Variants in GDF15 observed in about 807,000 individuals in gnomAD.
The protein encoded by GDF15 is growth/differentiation factor 15.
GDF15 carries 10 observed loss-of-function variants against 8.9 expected under a neutral mutation model. The ratio of observed to expected loss-of-function variants is 1.12; its 90% CI spans 0.69 to 1.90. The LOEUF (loss-of-function observed/expected upper bound fraction) is 1.90, where lower values mean the gene tolerates loss of function less well. Ranked by LOEUF, GDF15 falls within the 40% of genes most tolerant of loss-of-function variation. The probability of loss-of-function intolerance (pLI) is 0.00; values close to 1 mark genes in which losing one functional copy is unlikely to be tolerated. For synonymous variants in GDF15, 228 were observed against 210.6 expected, an observed-to-expected ratio of 1.08 and a Z score of -0.72; for missense variants, 452 against 434.2, an observed-to-expected ratio of 1.04 and a Z score of -0.36.
Position 18,388,522 on chromosome 19 carries a change from G to C in GDF15, c.514G>C (p.Glu172Gln), listed in dbSNP as rs757529602. The change falls in exon 2 of 2, where the codon GAA (glutamate) becomes CAA (glutamine). Residue 172 changes from glutamate (E) to glutamine (Q), a missense_variant. Physicochemically the swap from Glu to Gln is conservative, Grantham distance 29 (BLOSUM62 2). Coordinates refer to ENST00000252809, the MANE Select transcript of GDF15 (RefSeq NM_004864.4). The surrounding 1 kb of genome is among the most constrained non-coding windows in gnomAD (Gnocchi z 4.2). ...PPSQSDQLLA[E>Q]SSSARPQLEL... ...GTCGCAGTCGGACCAACTGCTGGCA[G>C]AATCTTCGTCCGCACGGCCCCAGCT... The C allele has an allele frequency of 6.9e-6, 11 of 1,599,778 alleles. No individual in the cohort carries two copies. Among genetic ancestry groups the C allele is most frequent in the Non-Finnish European group, 9.4e-6 (11 of 1,175,726 alleles).
At position 18,386,323 on chromosome 19, in the gene GDF15, A is replaced by G; in HGVS notation, c.134A>G (p.Glu45Gly). The change falls in exon 1 of 2, where the codon GAG becomes GGG. Residue 45 changes from glutamate to glycine, a missense_variant. Coordinates refer to ENST00000252809, the MANE Select transcript of GDF15 (RefSeq NM_004864.4). ...CGCGCAAGTTTCCCGGGACCCTCAG[A>G]GTTGCACTCCGAAGACTCCAGATTC... ...ASRASFPGPS[E>G]LHSEDSRFRE... 1 of 1,614,118 alleles carries G rather than the reference A, an allele frequency of 6.2e-7. No homozygotes were observed. The highest frequency in any genetic ancestry group is 8.5e-7 in the Non-Finnish European group (1 of 1,180,042).
intron 1 of GDF15, chr19:18,387,082 A>T (rs945314421): frequency 6.5e-6 from 1 of 153,884 alleles, no homozygotes; most frequent in South Asian, 2.0e-4. Context: ...CCCTAAACCC[A>T]TCTGTGCCGT....
At position 18,388,658 on chromosome 19, in the gene GDF15, G is replaced by C. The variant is rs745582302; in HGVS notation, c.650G>C (p.Arg217Pro). 6.2e-7 allele frequency: 1 copy of C among 1,602,414 alleles called. No homozygotes were observed. Among genetic ancestry groups the C allele is most frequent in the Non-Finnish European group, 8.5e-7 (1 of 1,175,248 alleles). Residue 217 changes from arginine to proline, a missense_variant, in exon 2 of 2, where the codon CGC becomes CCC. Arg to Pro is a moderately radical substitution (Grantham distance 103). Transcript: ENST00000252809. The surrounding 1 kb of genome is among the most constrained non-coding windows in gnomAD (Gnocchi z 4.2). ...PGRCCRLHTV[R>P]ASLEDLGWAD... The stretch of plus-strand genomic sequence containing the variant: ...CGTTGCTGCCGTCTGCACACGGTCC[G>C]CGCGTCGCTGGAAGACCTGGGCTGG...
In GDF15 at chr19:18,386,165, G is replaced by A; in HGVS notation, c.-25G>A. 6.2e-7 allele frequency: 1 copy of A among 1,603,720 alleles called. No homozygotes were observed. The highest frequency in any genetic ancestry group is 8.5e-7 in the Non-Finnish European group (1 of 1,174,438). On this transcript the variant is annotated 5_prime_UTR_variant, in exon 1 of 2. Transcript: ENST00000252809. ...GTCCGGCAGCATCTGGTCAGTCCCA[G>A]CTCAGAGCCGCAACCTGCACAGCCA...
chr19:18,388,965 C>A lies in GDF15; in HGVS notation c.*30C>A, dbSNP rs1275213300. 2 of 1,519,888 alleles carry A rather than the reference C, an allele frequency of 1.3e-6. No individual in the cohort carries two copies. The highest frequency in any genetic ancestry group is 1.8e-6 in the Non-Finnish European group (2 of 1,119,056). The allele number at this position is 1,519,888 out of a possible 1,614,324, so 94.2% of individuals were successfully genotyped here. On this transcript the variant is annotated 3_prime_UTR_variant, in exon 2 of 2. Transcript: ENST00000252809. This position sits in a 1 kb window ranked among gnomAD's most constrained non-coding sequence, Gnocchi z 4.2. ...TCCTGGTCCTTCCACTGTGCACCTG[C>A]GCGGAGGACGCGACCTCAGTTGTCC...
chr19:18,388,969 G>T lies in GDF15; in HGVS notation c.*34G>T. On this transcript the variant is annotated 3_prime_UTR_variant, in exon 2 of 2. Transcript: ENST00000252809. This position sits in a 1 kb window ranked among gnomAD's most constrained non-coding sequence, Gnocchi z 4.2. The stretch of plus-strand genomic sequence containing the variant: ...GGTCCTTCCACTGTGCACCTGCGCG[G>T]AGGACGCGACCTCAGTTGTCCTGCC... The T allele has an allele frequency of 6.6e-7, 1 of 1,518,382 alleles. No individual in the cohort carries two copies. The highest frequency in any genetic ancestry group is 8.9e-7 in the Non-Finnish European group (1 of 1,117,498). The allele number at this position is 1,518,382 out of a possible 1,614,324, so 94.1% of individuals were successfully genotyped here. A position where few individuals can be genotyped will look rare whatever the true frequency, so the allele number is the denominator to read the frequency against.
chr19:18,386,279 G>A lies in GDF15; in HGVS notation c.90G>A (p.Leu30=). Reference sequence around the variant, plus strand: ...CGTGGCTGCCGCATGGGGGCGCCCTGTCTCTGGCCGAGGCGAGCCGCGCAA... The same window carrying A: ...CGTGGCTGCCGCATGGGGGCGCCCTATCTCTGGCCGAGGCGAGCCGCGCAA... ...VLSWLPHGGA[L]SLAEASRASF... Residue 30 remains leucine (L), a synonymous_variant, in exon 1 of 2, where the codon CTG becomes CTA. Transcript: ENST00000252809. 1 of 1,614,096 alleles carries A rather than the reference G, an allele frequency of 6.2e-7. No individual in the cohort carries two copies.
Position 18,386,500 on chromosome 19 carries a change from C to G in GDF15, c.277+34C>G, listed in dbSNP as rs776459489. 251 of 1,565,370 alleles carry G rather than the reference C, an allele frequency of 1.6e-4. 1 individual carries two copies. The highest frequency in any genetic ancestry group is 1.7e-4 in the Non-Finnish European group (199 of 1,141,820). On this transcript the variant is annotated intron_variant, in intron 1 of 1. Transcript: ENST00000252809. ...AATCTTAGAGATCCCCTCCCACCCC[C>G]CAAGCAGCCCCCATATCTAATCAGG...
chr19:18,387,835 T>TTTTTTTTTTTTTTTTTTTTTTG (rs1971848740), intron 1 of GDF15, among the ~76,000 whole-genome samples: 1 of 115,650 alleles, frequency 8.6e-6, no homozygotes, highest in African/African-American at 3.0e-5. Flanking sequence ...TTTTTTTTTT[T>TTTTTTTTTTTTTTTTTTTTTTG]TTTTGAGAGG....
Position 18,388,423 on chromosome 19 carries a change from C to A in GDF15, c.415C>A (p.Arg139=). Residue 139 remains arginine, a synonymous_variant, in exon 2 of 2, where the codon CGA becomes AGA. Transcript: ENST00000252809. This position sits in a 1 kb window ranked among gnomAD's most constrained non-coding sequence, Gnocchi z 4.2. The stretch of plus-strand genomic sequence containing the variant: ...GGCGTCAAGGTCGTGGGACGTGACA[C>A]GACCGCTGCGGCGTCAGCTCAGCCT... ...PTASRSWDVT[R]PLRRQLSLAR... is the part of the protein sequence containing the mutation. 1 of 1,610,862 alleles carries A rather than the reference C, an allele frequency of 6.2e-7. No homozygotes were observed. The highest frequency in any genetic ancestry group is 8.5e-7 in the Non-Finnish European group (1 of 1,179,368).
At position 18,386,170 on chromosome 19, in the gene GDF15, G is replaced by A. The variant is rs751528542; in HGVS notation, c.-20G>A. ...GCAGCATCTGGTCAGTCCCAGCTCA[G>A]AGCCGCAACCTGCACAGCCATGCCC... On this transcript the variant is annotated 5_prime_UTR_variant, in exon 1 of 2. Transcript: ENST00000252809. The A allele has an allele frequency of 6.2e-7, 1 of 1,605,392 alleles. No individual in the cohort carries two copies. Among genetic ancestry groups the A allele is most frequent in the Non-Finnish European group, 8.5e-7 (1 of 1,175,316 alleles).
At position 18,388,772 on chromosome 19, in the gene GDF15, C is replaced by T. The variant is rs1015065704; in HGVS notation, c.764C>T (p.Ala255Val). The part of the protein sequence containing the change: ...PSQFRAANMH[A>V]QIKTSLHRLK... ...CAGTTCCGGGCGGCAAACATGCACG[C>T]GCAGATCAAGACGAGCCTGCACCGC... The change falls in exon 2 of 2, where the codon GCG becomes GTG. Residue 255 changes from alanine (A) to valine (V), a missense_variant. Coordinates refer to ENST00000252809, the MANE Select transcript of GDF15 (RefSeq NM_004864.4). The surrounding 1 kb of genome is among the most constrained non-coding windows in gnomAD (Gnocchi z 4.2). The T allele has an allele frequency of 1.2e-6, 2 of 1,609,912 alleles. No homozygotes were observed. The highest frequency in any genetic ancestry group is 2.7e-5 in the African/African-American group (2 of 74,936).
At position 18,389,175 on chromosome 19, in the gene GDF15, T is replaced by G; in HGVS notation, c.*240T>G. The stretch of plus-strand genomic sequence containing the variant: ...GATAAAAATAAAGCTGTCTGAACTG[T>G]TCCCTGTGGTGTCCAGGATAAGGGA... On this transcript the variant is annotated 3_prime_UTR_variant, in exon 2 of 2. Coordinates refer to ENST00000252809, the MANE Select transcript of GDF15 (RefSeq NM_004864.4). 2 of 341,088 alleles carry G rather than the reference T, an allele frequency of 5.9e-6. No individual in the cohort carries two copies. The highest frequency in any genetic ancestry group is 1.1e-5 in the Non-Finnish European group (2 of 187,770). The allele number at this position is 341,088 out of a possible 1,614,324, so 21.1% of individuals were successfully genotyped here.
At position 18,388,215 on chromosome 19, in the gene GDF15, A is replaced by C; in HGVS notation, c.278-71A>C. 1 of 1,404,726 alleles carries C rather than the reference A, an allele frequency of 7.1e-7. No individual in the cohort carries two copies. The highest frequency in any genetic ancestry group is 9.9e-7 in the Non-Finnish European group (1 of 1,010,678). The allele number at this position is 1,404,726 out of a possible 1,614,324, so 87.0% of individuals were successfully genotyped here. On this transcript the variant is annotated intron_variant, in intron 1 of 1. Transcript: ENST00000252809. The surrounding 1 kb of genome is among the most constrained non-coding windows in gnomAD (Gnocchi z 4.2). ...GAGATCCAGCTTGGCGTGTTAGGGG[A>C]AATGGGCACCCTCGTTCCTGGAAAA...
Position 18,386,339 on chromosome 19 carries a change from C to T in GDF15, c.150C>T (p.Asp50=), listed in dbSNP as rs1367481776. 2.5e-6 allele frequency: 4 copies of T among 1,614,148 alleles called. No individual in the cohort carries two copies. In the Admixed American group the frequency reaches 5.0e-5, roughly 20 times the overall value. The change falls in exon 1 of 2, where the codon GAC becomes GAT. Residue 50 remains aspartate, a synonymous_variant. Coordinates refer to ENST00000252809, the MANE Select transcript of GDF15 (RefSeq NM_004864.4). ...FPGPSELHSE[D]SRFRELRKRY... The stretch of plus-strand genomic sequence containing the variant: ...GACCCTCAGAGTTGCACTCCGAAGA[C>T]TCCAGATTCCGAGAGTTGCGGAAAC...
Position 18,386,394 on chromosome 19 carries a change from G to T in GDF15, c.205G>T (p.Ala69Ser). 1.2e-6 allele frequency: 2 copies of T among 1,614,002 alleles called. No individual in the cohort carries two copies. The highest frequency in any genetic ancestry group is 1.7e-6 in the Non-Finnish European group (2 of 1,180,028). The change falls in exon 1 of 2, where the codon GCC becomes TCC. Residue 69 changes from alanine (A) to serine (S), a missense_variant. Physicochemically the swap from Ala to Ser is moderately conservative, Grantham distance 99. Coordinates refer to ENST00000252809, the MANE Select transcript of GDF15 (RefSeq NM_004864.4). ...RYEDLLTRLR[A>S]NQSWEDSNTD... is the part of the protein sequence containing the mutation. ...CGAGGACCTGCTAACCAGGCTGCGGGCCAACCAGAGCTGGGAAGATTCGAA... is the reference window on the plus strand; with the variant it reads ...CGAGGACCTGCTAACCAGGCTGCGGTCCAACCAGAGCTGGGAAGATTCGAA...
At position 18,389,026 on chromosome 19, in the gene GDF15, C is replaced by T; in HGVS notation, c.*91C>T. On this transcript the variant is annotated 3_prime_UTR_variant, in exon 2 of 2. Coordinates refer to ENST00000252809, the MANE Select transcript of GDF15 (RefSeq NM_004864.4). ...AATGGGCTCAAGGTTCCTGAGACAC[C>T]CGATTCCTGCCCAAACAGCTGTATT... 1.3e-6 allele frequency: 1 copy of T among 779,252 alleles called. No homozygotes were observed. Among genetic ancestry groups the T allele is most frequent in the Admixed American group, 2.5e-5 (1 of 40,454 alleles). The allele number at this position is 779,252 out of a possible 1,614,324, so 48.3% of individuals were successfully genotyped here.
At chr19:18,387,642 C>T (rs1366613020) in intron 1 of GDF15, among the ~76,000 whole-genome samples, 1 of 152,100 alleles carries the variant, frequency 6.6e-6, no homozygotes, top group Non-Finnish European at 1.5e-5. Flanking sequence ...CAAGTATTTA[C>T]TAAGCACCTA....
rs1200751596 is a variant in GDF15, at chr19:18,388,879, G to A, written c.871G>A (p.Gly291Arg). 1.2e-6 allele frequency: 2 copies of A among 1,610,576 alleles called. No homozygotes were observed. The highest frequency in any genetic ancestry group is 1.3e-5 in the African/African-American group (1 of 74,906). ...GGTGCTCATTCAAAAGACCGACACC[G>A]GGGTGTCGCTCCAGACCTATGATGA... ...PMVLIQKTDTGVSLQTYDDLL... is the reference protein window; with the variant it reads ...PMVLIQKTDTRVSLQTYDDLL... Residue 291 changes from glycine (G) to arginine (R), a missense_variant, in exon 2 of 2, where the codon GGG becomes AGG. Gly to Arg is a moderately radical substitution (Grantham distance 125). Coordinates refer to ENST00000252809, the MANE Select transcript of GDF15 (RefSeq NM_004864.4). This position sits in a 1 kb window ranked among gnomAD's most constrained non-coding sequence, Gnocchi z 4.2.
Sources: allele counts gnomAD v4.1 joint callset (sites outside exome capture counted in the v4.1 genomes callset), GRCh38; gene constraint gnomAD v4.1.1; non-coding constraint Gnocchi (gnomAD v3.1); transcripts MANE v1.5; gene names NCBI Gene and HGNC (gene_info 2026-07-23, HGNC 2026-07-21).